The following SEMA6D variants were observed in gnomAD, a reference collection of about 807,000 sequenced individuals.
SEMA6D encodes semaphorin 6D.
SEMA6D carries 35 observed loss-of-function variants against 106.6 expected under a neutral mutation model. The ratio of observed to expected loss-of-function variants is 0.33; its 90% CI spans 0.25 to 0.44. The LOEUF (loss-of-function observed/expected upper bound fraction) is 0.44. Ranked by LOEUF, SEMA6D falls within the 20% of genes least tolerant of loss-of-function variation. SEMA6D has a pLI of 1.00. For synonymous variants in SEMA6D, 499 were observed against 487.7 expected, an observed-to-expected ratio of 1.02 and a Z score of -0.31; for missense variants, 1,185 against 1,345.9, an observed-to-expected ratio of 0.88 and a Z score of 1.87.
At chr15:47,517,330 T>A (rs1363748296) in intron 3 of SEMA6D, among the ~76,000 whole-genome samples, 2 of 152,038 alleles carry the variant, frequency 1.3e-5, no homozygotes, top group African/African-American at 4.8e-5. Flanking sequence ...GTCTTTGAGG[T>A]CTCTCTGAAA....
At chr15:47,597,996 A>C (rs2076571045) in intron 3 of SEMA6D, among the ~76,000 whole-genome samples, 1 of 151,806 alleles carries the variant, frequency 6.6e-6, no homozygotes, top group African/African-American at 2.4e-5. Flanking sequence ...TCCTAGGGTA[A>C]ATAACTTTTT....
intron 1 of SEMA6D, among the ~76,000 whole-genome samples, chr15:47,302,388 T>C (rs1333616167): frequency 6.6e-6 from 1 of 151,854 alleles, no homozygotes; most frequent in Non-Finnish European, 1.5e-5. Flanking sequence ...TCCTGAAAAA[T>C]GAAAAAAGAA....
intron 1 of SEMA6D, among the ~76,000 whole-genome samples, chr15:47,254,107 G>A (rs541762559): frequency 6.6e-6 from 1 of 150,784 alleles, no homozygotes; most frequent in Admixed American, 6.6e-5. Flanking sequence ...TTTTTTTGTA[G>A]CTATTGGAAT....
chr15:47,185,877 G>A (rs1374949026), intron 1 of SEMA6D: 12 of 151,892 alleles, frequency 7.9e-5, no homozygotes, highest in Admixed American at 7.2e-4. Context: ...GCATTTTGCT[G>A]GGAAAAAAAT....
At chr15:47,756,939 A>G (rs2081782609) in intron 1 of SEMA6D, among the ~76,000 whole-genome samples, 1 of 148,550 alleles carries the variant, frequency 6.7e-6, no homozygotes, top group Non-Finnish European at 1.5e-5. Context: ...TTATGCAGAG[A>G]CAGGAAGCAG....
At chr15:47,264,329 T>C (rs1010707668) in intron 1 of SEMA6D, among the ~76,000 whole-genome samples, 2 of 113,574 alleles carry the variant, frequency 1.8e-5, no homozygotes, top group African/African-American at 5.5e-5. Context: ...CATTTACCCC[T>C]GAATTTAAAA....
intron 3 of SEMA6D, among the ~76,000 whole-genome samples, chr15:47,519,809 G>A (rs969390494): frequency 6.6e-6 from 1 of 152,156 alleles, no homozygotes; most frequent in Non-Finnish European, 1.5e-5. Flanking sequence ...TTCCTCTTGG[G>A]GAAGTGGCAA....
chr15:47,752,240 G>T (rs2081481482), intron 1 of SEMA6D, among the ~76,000 whole-genome samples: 1 of 152,218 alleles, frequency 6.6e-6, no homozygotes, highest in Admixed American at 6.5e-5. Flanking sequence ...CAGACAGAGA[G>T]GTGGGTAAAC....
At chr15:47,508,222 T>G (rs1299322163) in intron 3 of SEMA6D, among the ~76,000 whole-genome samples, 12 of 152,206 alleles carry the variant, frequency 7.9e-5, no homozygotes, top group Admixed American at 7.9e-4. Flanking sequence ...AAATAAAGGT[T>G]AGCATTCCAT....
In SEMA6D at chr15:47,293,287, G is replaced by A. The variant is rs145597503; in HGVS notation, c.-239+108869G>A. On this transcript the variant is annotated intron_variant, in intron 1 of 19. Coordinates refer to the SEMA6D transcript ENST00000558014. Reference sequence around the variant, plus strand: ...GGAGAGAGCATCCTGCTCCAGTGTAGCTTTTCACTGTTTCCCTAGTTCTAA... The same window carrying A: ...GGAGAGAGCATCCTGCTCCAGTGTAACTTTTCACTGTTTCCCTAGTTCTAA... 2.0e-3 allele frequency among the ~76,000 whole-genome samples: 311 copies of A among 152,260 alleles called. 2 individuals are homozygous for A. The highest frequency in any genetic ancestry group is 7.0e-3 in the African/African-American group (291 of 41,560).
intron 4 of SEMA6D, among the ~76,000 whole-genome samples, chr15:47,614,573 C>T (rs1402732413): frequency 6.6e-6 from 1 of 152,196 alleles, no homozygotes; most frequent in Non-Finnish European, 1.5e-5. Flanking sequence ...GTCAGTCCCT[C>T]CTCCCAGCTC....
rs191898652 is a variant in SEMA6D at position 47,310,118 on chromosome 15, A to G, written c.-238-102275A>G. Reference sequence around the variant, plus strand: ...GGTGTGAGAAAGATTCTTGTGAACAAGTCTTTTCAGGTTTGTGGCAGGTGG... The same window carrying G: ...GGTGTGAGAAAGATTCTTGTGAACAGGTCTTTTCAGGTTTGTGGCAGGTGG... On this transcript the variant is annotated intron_variant, in intron 1 of 19. Coordinates refer to the SEMA6D transcript ENST00000558014. 1.2e-4 allele frequency among the ~76,000 whole-genome samples: 18 copies of G among 152,318 alleles called. 1 individual carries two copies. In the East Asian group the frequency reaches 2.5e-3, roughly 21 times the overall value.
chr15:47,480,645 T>C (rs971753835), intron 3 of SEMA6D, among the ~76,000 whole-genome samples: 2 of 152,078 alleles, frequency 1.3e-5, no homozygotes, highest in Non-Finnish European at 2.9e-5. Flanking sequence ...CCTCATCCAC[T>C]CCCCTCCACA....
intron 1 of SEMA6D, among the ~76,000 whole-genome samples, chr15:47,209,049 T>G (rs1386202219): frequency 1.3e-5 from 2 of 152,230 alleles, no homozygotes; most frequent in African/African-American, 4.8e-5. Flanking sequence ...TTCTTTGTTT[T>G]CTGCAATAGC....
intron 1 of SEMA6D, among the ~76,000 whole-genome samples, chr15:47,758,398 A>G (rs1050787182): frequency 4.6e-5 from 7 of 152,098 alleles, no homozygotes; most frequent in African/African-American, 1.7e-4. Flanking sequence ...ATAAAGCTAA[A>G]TGTTTTGTTG....
At chr15:47,383,628 C>G (rs1280766019) in intron 1 of SEMA6D, among the ~76,000 whole-genome samples, 3 of 144,138 alleles carry the variant, frequency 2.1e-5, no homozygotes, top group Non-Finnish European at 3.1e-5. Flanking sequence ...TATGCTTTAC[C>G]AGTTTTAACT....
intron 3 of SEMA6D, among the ~76,000 whole-genome samples, chr15:47,575,909 A>T (rs1260226926): frequency 6.6e-6 from 1 of 152,242 alleles, no homozygotes; most frequent in African/African-American, 2.4e-5. Context: ...TGTACATATT[A>T]TTTAAAAATA....
intron 1 of SEMA6D, among the ~76,000 whole-genome samples, chr15:47,277,195 A>G (rs7170892): frequency 0.62 from 94,816 of 152,056 alleles, 30,036 homozygotes; most frequent in East Asian, 0.92. Context: ...TGAAGATGTT[A>G]TGAACATTGT....
chr15:47,611,679 A>T (rs2076909116), intron 4 of SEMA6D, among the ~76,000 whole-genome samples: 1 of 152,246 alleles, frequency 6.6e-6, no homozygotes, highest in Non-Finnish European at 1.5e-5. Flanking sequence ...ATGTTTACAG[A>T]TAGTTAAGAC....
Sources: allele counts gnomAD v4.1 joint callset (sites outside exome capture counted in the v4.1 genomes callset), GRCh38; gene constraint gnomAD v4.1.1; transcripts MANE v1.5; gene names NCBI Gene and HGNC (gene_info 2026-07-23, HGNC 2026-07-21).